The following SUGCT variants were observed in gnomAD, a reference collection of about 807,000 sequenced individuals.
The protein encoded by SUGCT is succinyl-CoA:glutarate CoA-transferase.
SUGCT carries 41 observed loss-of-function variants against 55.0 expected under a neutral mutation model. The observed-to-expected ratio is 0.74, with a 90% confidence interval of 0.58 to 0.97. The LOEUF is 0.97. Among genes scored for constraint, SUGCT ranks in the 50% least tolerant of loss-of-function variants. SUGCT has a pLI of 0.00. For synonymous variants in SUGCT, 187 were observed against 200.4 expected (o/e 0.93, Z 0.56); for missense variants, 568 against 547.8 (o/e 1.04, Z -0.37).
intron 9 of SUGCT, among the ~76,000 whole-genome samples, chr7:40,385,399 G>A (rs1477869769): frequency 6.6e-6 from 1 of 152,140 alleles, no homozygotes; most frequent in East Asian, 1.9e-4. Context: ...TATCAGGGTT[G>A]TAGTAAGATT....
intron 12 of SUGCT, among the ~76,000 whole-genome samples, chr7:40,715,279 G>A (rs1422467693): frequency 3.9e-5 from 6 of 152,098 alleles, no homozygotes; most frequent in Non-Finnish European, 7.4e-5. Context: ...GTATTGATGC[G>A]GGGTGGGATG....
chr7:40,412,971 A>G (rs924368642), intron 9 of SUGCT, among the ~76,000 whole-genome samples: 4 of 152,132 alleles, frequency 2.6e-5, no homozygotes, highest in South Asian at 2.1e-4. Flanking sequence ...TTTGTAGGGC[A>G]TAATATCTTC....
intron 8 of SUGCT, among the ~76,000 whole-genome samples, chr7:40,289,698 A>G (rs569475970): frequency 2.0e-4 from 31 of 152,302 alleles, no homozygotes; most frequent in Admixed American, 6.5e-4. Flanking sequence ...TCAATTAAGA[A>G]AAGAGGAAGT....
At chr7:40,917,538 G>C in the SUGCT span, among the ~76,000 whole-genome samples, 1 of 152,174 alleles carries the variant, frequency 6.6e-6, no homozygotes, top group African/African-American at 2.4e-5. Context: ...TCATCTGCAT[G>C]GTAGAGACTG....
intron 9 of SUGCT, among the ~76,000 whole-genome samples, chr7:40,355,942 T>C (rs1256211616): frequency 6.6e-6 from 1 of 152,262 alleles, no homozygotes; most frequent in Admixed American, 6.5e-5. Context: ...TATTAGACTT[T>C]TCTCTTGATA....
chr7:40,565,360 G>A (rs1434602445), intron 12 of SUGCT, among the ~76,000 whole-genome samples: 1 of 152,174 alleles, frequency 6.6e-6, no homozygotes, highest in Non-Finnish European at 1.5e-5. Flanking sequence ...TACTGCTCAG[G>A]TATGTTCTGC....
intron 12 of SUGCT, among the ~76,000 whole-genome samples, chr7:40,735,491 G>A (rs1787108643): frequency 1.3e-5 from 2 of 152,130 alleles, no homozygotes; most frequent in African/African-American, 4.8e-5. Flanking sequence ...GTAGAAAAAT[G>A]ATTAGAAAAC....
chr7:40,741,533 A>G (rs1270691084), intron 12 of SUGCT, among the ~76,000 whole-genome samples: 1 of 152,218 alleles, frequency 6.6e-6, no homozygotes, highest in Non-Finnish European at 1.5e-5. Context: ...GTAAGTGATT[A>G]AGGAAAATTA....
the SUGCT span, among the ~76,000 whole-genome samples, chr7:40,982,313 A>T: frequency 0.05 from 7,566 of 152,286 alleles, 262 homozygotes; most frequent in East Asian, 0.13. Flanking sequence ...CAGGTGTCTT[A>T]GTCTTGAACA....
chr7:40,942,475 T>C, the SUGCT span, among the ~76,000 whole-genome samples: 1 of 152,264 alleles, frequency 6.6e-6, no homozygotes, highest in Middle Eastern at 3.4e-3. Context: ...ATGATACTTT[T>C]GTTTCAATAC....
chr7:40,412,693 C>T (rs1786761940), intron 9 of SUGCT, among the ~76,000 whole-genome samples: 1 of 152,048 alleles, frequency 6.6e-6, no homozygotes, highest in Admixed American at 6.6e-5. Flanking sequence ...TGATTTTCTG[C>T]AATGTTGGTT....
intron 12 of SUGCT, among the ~76,000 whole-genome samples, chr7:40,632,431 G>A (rs898057997): frequency 6.6e-6 from 1 of 151,196 alleles, no homozygotes. Context: ...TCAGGCATCT[G>A]TTCCTCTGTA....
intron 3 of SUGCT, among the ~76,000 whole-genome samples, chr7:40,184,131 T>C (rs1003048265): frequency 7.2e-5 from 11 of 152,034 alleles, no homozygotes; most frequent in African/African-American, 1.9e-4. Flanking sequence ...GTCGAGACCA[T>C]GCCATTGCAC....
At chr7:40,424,197 C>T (rs1207853241) in intron 9 of SUGCT, among the ~76,000 whole-genome samples, 2 of 152,070 alleles carry the variant, frequency 1.3e-5, no homozygotes, top group Non-Finnish European at 2.9e-5. Flanking sequence ...TATTACTAGC[C>T]TCACTGTTTT....
At chr7:40,362,952 C>G (rs1189811340) in intron 9 of SUGCT, among the ~76,000 whole-genome samples, 1 of 152,180 alleles carries the variant, frequency 6.6e-6, no homozygotes, top group Non-Finnish European at 1.5e-5. Context: ...AAAAATCCCT[C>G]AATACCAAAA....
At chr7:40,526,383 A>G (rs964846600) in intron 12 of SUGCT, among the ~76,000 whole-genome samples, 1 of 152,198 alleles carries the variant, frequency 6.6e-6, no homozygotes, top group African/African-American at 2.4e-5. Flanking sequence ...TCACAGTTTC[A>G]AGGACTTCTC....
At chr7:40,490,714 T>G (rs1470454164) in intron 11 of SUGCT, among the ~76,000 whole-genome samples, 1 of 152,180 alleles carries the variant, frequency 6.6e-6, no homozygotes, top group Non-Finnish European at 1.5e-5. Context: ...GAATGGATTT[T>G]TAAGGTCATT....
intron 12 of SUGCT, among the ~76,000 whole-genome samples, chr7:40,710,154 G>C (rs6978898): frequency 0.31 from 47,311 of 151,962 alleles, 7,630 homozygotes; most frequent in African/African-American, 0.4. Flanking sequence ...AAAATTCCCA[G>C]TCTTCACTGT....
intron 7 of SUGCT, 24 bp downstream of exon 7, chr7:40,237,750 T>A: frequency 6.3e-7 from 1 of 1,585,608 alleles, no homozygotes. Context: ...CTTAGAATAT[T>A]CATAATTTCT....
Sources: gnomAD v4.1 joint callset for allele counts (sites outside exome capture counted in the v4.1 genomes callset) on GRCh38, gnomAD v4.1.1 for gene constraint, MANE v1.5 for transcripts, NCBI Gene and HGNC (gene_info 2026-07-23, HGNC 2026-07-21) for gene names.